The following MACROD2 variants were observed in gnomAD, a reference collection of about 807,000 sequenced individuals.
MACROD2 encodes the protein mono-ADP ribosylhydrolase 2, also known as ADP-ribose glycohydrolase MACROD2.
A neutral mutation model predicts 70.4 loss-of-function variants in MACROD2; 36 were observed. That is an observed-to-expected ratio of 0.51 (90% CI 0.39 to 0.68). The LOEUF (loss-of-function observed/expected upper bound fraction) is 0.68, where lower values mean the gene tolerates loss of function less well. Among genes scored for constraint, MACROD2 ranks in the 30% least tolerant of loss-of-function variants. The pLI, the probability that MACROD2 is intolerant of heterozygous loss-of-function variation, is 0.00. For missense variants in MACROD2, 496 were observed against 538.4 expected (o/e 0.92, Z 0.78); for synonymous variants, 172 against 178.8 (o/e 0.96, Z 0.30).
intron 5 of MACROD2, among the ~76,000 whole-genome samples, chr20:14,724,217 G>A (rs1366560108): frequency 1.3e-5 from 2 of 152,046 alleles, no homozygotes; most frequent in Non-Finnish European, 2.9e-5. Context: ...AGGAAGTTTG[G>A]TGTTGTGGTT....
At chr20:15,459,218 C>T (rs1186962039) in intron 7 of MACROD2, among the ~76,000 whole-genome samples, 1 of 152,102 alleles carries the variant, frequency 6.6e-6, no homozygotes, top group Admixed American at 6.6e-5. Context: ...AATAAAATCT[C>T]TTTTAGCTGC....
At chr20:14,700,490 A>G (rs1348095457) in intron 5 of MACROD2, among the ~76,000 whole-genome samples, 1 of 151,380 alleles carries the variant, frequency 6.6e-6, no homozygotes, top group Non-Finnish European at 1.5e-5. Flanking sequence ...ATAGATGAGT[A>G]AGCTTGTTCT....
At chr20:14,334,267 T>A (rs1258395725) in intron 3 of MACROD2, among the ~76,000 whole-genome samples, 1 of 152,198 alleles carries the variant, frequency 6.6e-6, no homozygotes, top group Non-Finnish European at 1.5e-5. Flanking sequence ...CCAAATTGAG[T>A]GATGTCGATC....
intron 3 of MACROD2, among the ~76,000 whole-genome samples, chr20:14,467,341 C>A (rs1284465437): frequency 6.6e-6 from 1 of 152,142 alleles, no homozygotes; most frequent in African/African-American, 2.4e-5. Flanking sequence ...GAGCCAGTTG[C>A]GGGATATAAT....
At chr20:15,835,645 TATA>T (rs1006281811) in intron 8 of MACROD2, among the ~76,000 whole-genome samples, 43 of 152,236 alleles carry the variant, frequency 2.8e-4, no homozygotes, top group African/African-American at 7.2e-4. Flanking sequence ...ATAGAATAAT[TATA>T]ATATTATATC....
At chr20:15,090,999 A>T (rs2075788529) in intron 5 of MACROD2, among the ~76,000 whole-genome samples, 1 of 151,964 alleles carries the variant, frequency 6.6e-6, no homozygotes, top group Non-Finnish European at 1.5e-5. Context: ...GAGAAAATAC[A>T]AGTATTGACC....
At chr20:15,285,434 T>C (rs536751268) in intron 6 of MACROD2, among the ~76,000 whole-genome samples, 1 of 152,348 alleles carries the variant, frequency 6.6e-6, no homozygotes, top group East Asian at 1.9e-4. Flanking sequence ...GAACTAGCTT[T>C]ATCATCGTGC....
chr20:15,134,834 A>T (rs1296580903), intron 5 of MACROD2, among the ~76,000 whole-genome samples: 198 of 152,024 alleles, frequency 1.3e-3, no homozygotes, highest in African/African-American at 4.6e-3. Context: ...GACTAATAAA[A>T]AAAGAGAGAA....
At chr20:14,904,303 TAAAAATAG>T in intron 5 of MACROD2, among the ~76,000 whole-genome samples, 1 of 152,176 alleles carries the variant, frequency 6.6e-6, no homozygotes, top group East Asian at 1.9e-4. Flanking sequence ...CTCATTCACA[TAAAAATAG>T]AAAAATCAGT....
At chr20:15,506,713 A>G (rs902390193) in intron 8 of MACROD2, among the ~76,000 whole-genome samples, 1 of 152,234 alleles carries the variant, frequency 6.6e-6, no homozygotes, top group Non-Finnish European at 1.5e-5. Context: ...GGAAAATTAT[A>G]TATTTCGAAA....
chr20:14,886,406 G>C (rs567301697), intron 5 of MACROD2, among the ~76,000 whole-genome samples: 68 of 152,256 alleles, frequency 4.5e-4, no homozygotes, highest in Non-Finnish European at 9.0e-4. Context: ...GTTGGTTGCT[G>C]TAAGGACTTT....
intron 4 of MACROD2, among the ~76,000 whole-genome samples, chr20:14,653,816 CA>C (rs1985820113): frequency 6.6e-6 from 1 of 152,192 alleles, no homozygotes; most frequent in Admixed American, 6.5e-5. Context: ...TGGAAGTCTA[CA>C]AAAGTAATGC....
At chr20:14,463,848 G>C (rs1600264231) in intron 3 of MACROD2, among the ~76,000 whole-genome samples, 1 of 151,800 alleles carries the variant, frequency 6.6e-6, no homozygotes, top group Non-Finnish European at 1.5e-5. Flanking sequence ...ATTGATTTTT[G>C]TATGTTGAAC....
At chr20:15,818,556 T>G (rs1439912573) in intron 8 of MACROD2, among the ~76,000 whole-genome samples, 1 of 152,214 alleles carries the variant, frequency 6.6e-6, no homozygotes, top group African/African-American at 2.4e-5. Flanking sequence ...TTGGGCCAGT[T>G]TCTTTACCAC....
At chr20:14,372,851 G>A (rs186777879) in intron 3 of MACROD2, among the ~76,000 whole-genome samples, 1 of 152,114 alleles carries the variant, frequency 6.6e-6, no homozygotes, top group South Asian at 2.1e-4. Context: ...GATTTCATTG[G>A]TTCTGTTTGC....
At chr20:15,829,950 C>T (rs1265889434) in intron 8 of MACROD2, among the ~76,000 whole-genome samples, 1 of 152,176 alleles carries the variant, frequency 6.6e-6, no homozygotes, top group Non-Finnish European at 1.5e-5. Flanking sequence ...ACTTTGCAGA[C>T]TCAAGGAATA....
At chr20:14,076,683 C>T (rs1034908489) in intron 2 of MACROD2, among the ~76,000 whole-genome samples, 1 of 151,760 alleles carries the variant, frequency 6.6e-6, no homozygotes, top group Non-Finnish European at 1.5e-5. Context: ...TGCCCCCTCA[C>T]CTTCCACCCC....
chr20:15,490,949 C>T (rs2047224329), intron 7 of MACROD2, among the ~76,000 whole-genome samples: 1 of 152,168 alleles, frequency 6.6e-6, no homozygotes, highest in African/African-American at 2.4e-5. Context: ...ACAGTAAAGT[C>T]CAATTACATT....
intron 6 of MACROD2, among the ~76,000 whole-genome samples, chr20:15,399,697 T>G: frequency 6.6e-6 from 1 of 152,220 alleles, no homozygotes; most frequent in East Asian, 1.9e-4. Context: ...TGAGTGGTTG[T>G]TTTAAAACTA....
Sources: gnomAD v4.1 joint callset for allele counts (sites outside exome capture counted in the v4.1 genomes callset) on GRCh38, gnomAD v4.1.1 for gene constraint, MANE v1.5 for transcripts, NCBI Gene and HGNC (gene_info 2026-07-23, HGNC 2026-07-21) for gene names.